The following ZBED1 variants were observed in gnomAD, a reference collection of about 807,000 sequenced individuals.
ZBED1 encodes the protein zinc finger BED-type containing 1.
In ZBED1, 19 loss-of-function variants were observed where a neutral mutation model predicts 49.7. That is an observed-to-expected ratio of 0.38 (90% CI 0.27 to 0.56). ZBED1 has a LOEUF of 0.56. ZBED1 is among the 20% of genes least tolerant of loss of function. The pLI, the probability that ZBED1 is intolerant of heterozygous loss-of-function variation, is 0.70. For missense variants in ZBED1, 806 were observed against 972.6 expected (o/e 0.83, Z 2.28); for synonymous variants, 439 against 440.3 (o/e 1.00, Z 0.04).
chrX:2,499,606 A>G (rs910014954), intron 1 of ZBED1, among the ~76,000 whole-genome samples: 22 of 152,098 alleles, frequency 1.4e-4, no homozygotes, highest in African/African-American at 5.3e-4. Flanking sequence ...TGCCATCTCT[A>G]CAAAAAATTT....
rs780070615 is a variant in ZBED1, at chrX:2,486,857, A to G, written c.*1778T>C. ...ACTTAAACCGGCTCAGGACGTAAGG[A>G]TAACATTCTGTGCTGCTTGCAGCCC... On this transcript the variant is annotated 3_prime_UTR_variant, in exon 2 of 2. Transcript: ENST00000652001. 4 of 152,350 alleles carry G rather than the reference A, an allele frequency of 2.6e-5. No homozygotes were observed. Among genetic ancestry groups the G allele is most frequent in the East Asian group, 1.9e-4 (1 of 5,188 alleles). 9.4% of individuals were successfully genotyped at this position (152,350 alleles called of 1,614,324 possible). A position where few individuals can be genotyped will look rare whatever the true frequency, so the allele number is the denominator to read the frequency against.
chrX:2,498,814 G>C (rs2045344686), intron 1 of ZBED1, among the ~76,000 whole-genome samples: 1 of 152,072 alleles, frequency 6.6e-6, no homozygotes, highest in Admixed American at 6.6e-5. Flanking sequence ...AATCTTCTGC[G>C]AGACTCCACA....
chrX:2,490,423 G>C lies in ZBED1; in HGVS notation c.297C>G (p.Pro99=). ...CCTGCCCGGGCTGCTGGGACGACTC[G>C]GGCTTCAGCTTGGAGAAGGCGGTGG... ...AFATAFSKLK[P]ESSQQPGQDA... The change falls in exon 2 of 2, where the codon CCC becomes CCG. Residue 99 remains proline (P), a synonymous_variant. Coordinates refer to ENST00000652001, the MANE Select transcript of ZBED1 (RefSeq NM_001171136.2). The C allele has an allele frequency of 1.2e-6, 2 of 1,613,908 alleles. No homozygotes were observed. Among genetic ancestry groups the C allele is most frequent in the South Asian group, 1.1e-5 (1 of 91,078 alleles).
chrX:2,497,634 G>A (rs1422210799), intron 1 of ZBED1, among the ~76,000 whole-genome samples: 1 of 152,174 alleles, frequency 6.6e-6, no homozygotes. Flanking sequence ...CCCAGAAAGT[G>A]AAGGAATATT....
rs1308990282 is a variant in ZBED1, at chrX:2,490,450, G to A, written c.270C>T (p.Phe90=). ...KSNTEQMREA[F]ATAFSKLKPE... is the part of the protein sequence containing the mutation. ...GCTTCAGCTTGGAGAAGGCGGTGGCGAAGGCTTCACGCATCTGCTCCGTGT... is the reference window on the plus strand; with the variant it reads ...GCTTCAGCTTGGAGAAGGCGGTGGCAAAGGCTTCACGCATCTGCTCCGTGT... The change falls in exon 2 of 2, where the codon TTC becomes TTT. Residue 90 remains phenylalanine, a synonymous_variant. Transcript: ENST00000652001. 12 of 1,613,962 alleles carry A rather than the reference G, an allele frequency of 7.4e-6. No homozygotes were observed. The highest frequency in any genetic ancestry group is 1.7e-4 in the Middle Eastern group (1 of 6,052).
chrX:2,499,845 G>A (rs1326766902), intron 1 of ZBED1, among the ~76,000 whole-genome samples: 2 of 152,148 alleles, frequency 1.3e-5, no homozygotes, highest in Non-Finnish European at 2.9e-5. Flanking sequence ...AGGAGTTCGA[G>A]ACCAGCCTGA....
At position 2,488,404 on chromosome X, in the gene ZBED1, A is replaced by C. The variant is rs73622930; in HGVS notation, c.*231T>G. On this transcript the variant is annotated 3_prime_UTR_variant, in exon 2 of 2. Transcript: ENST00000652001. ...TGGCCAGGCTGGTCTCGATCTCCTG[A>C]CCTCAGCTGATCTGCCCACCTCGGC... The C allele has an allele frequency of 0.017, 8,684 of 514,904 alleles. 557 individuals are homozygous for C. The highest frequency in any genetic ancestry group is 0.14 in the African/African-American group (7,213 of 50,634). 31.9% of individuals were successfully genotyped at this position (514,904 alleles called of 1,614,324 possible). A position where few individuals can be genotyped will look rare whatever the true frequency, so the allele number is the denominator to read the frequency against.
chrX:2,492,193 C>A (rs1354751395), intron 1 of ZBED1, among the ~76,000 whole-genome samples: 2 of 152,134 alleles, frequency 1.3e-5, no homozygotes, highest in Non-Finnish European at 2.9e-5. Context: ...GAAAAAGGGT[C>A]TTTGCAGATG....
At chrX:2,491,068 T>TG (rs1335725079) in intron 1 of ZBED1, among the ~76,000 whole-genome samples, 2 of 115,628 alleles carry the variant, frequency 1.7e-5, no homozygotes, top group East Asian at 4.7e-4. Context: ...TGCCTTTAGT[T>TG]TTTTTTTTTT....
In ZBED1 at chrX:2,488,793, C is replaced by T. The variant is rs759636541; in HGVS notation, c.1927G>A (p.Glu643Lys). Residue 643 changes from glutamate (E) to lysine (K), a missense_variant, in exon 2 of 2, where the codon GAG becomes AAG. Transcript: ENST00000652001. ...RNRLAPAHVD[E>K]QVFLYENARS... Reference sequence around the variant, plus strand: ...GCGTTCTCATACAGAAACACCTGCTCGTCCACGTGCGCGGGAGCCAGCCGG... The same window carrying T: ...GCGTTCTCATACAGAAACACCTGCTTGTCCACGTGCGCGGGAGCCAGCCGG... 4.3e-6 allele frequency: 7 copies of T among 1,613,902 alleles called. No individual in the cohort carries two copies. Among genetic ancestry groups the T allele is most frequent in the East Asian group, 2.2e-5 (1 of 44,876 alleles).
At position 2,490,532 on chromosome X, in the gene ZBED1, A is replaced by T; in HGVS notation, c.188T>A (p.Leu63Gln). The change falls in exon 2 of 2, where the codon CTG becomes CAG. Residue 63 changes from leucine (L) to glutamine (Q), a missense_variant. Transcript: ENST00000652001. ...GTGGTTCTTCTCCAGGTGGTAGGAC[A>T]GGTTGGAGGTGTTTCCGGAGTAGGC... is the stretch of plus-strand genomic sequence containing the variant. ...QIAYSGNTSN[L>Q]SYHLEKNHPE... 1 of 1,613,970 alleles carries T rather than the reference A, an allele frequency of 6.2e-7. No individual in the cohort carries two copies. The highest frequency in any genetic ancestry group is 8.5e-7 in the Non-Finnish European group (1 of 1,179,862).
chrX:2,498,935 T>A (rs2045347196), intron 1 of ZBED1, among the ~76,000 whole-genome samples: 3 of 152,172 alleles, frequency 2.0e-5, no homozygotes, highest in African/African-American at 7.2e-5. Flanking sequence ...ACTCTCCTTC[T>A]TCTATGCATT....
chrX:2,492,952 C>T (rs910424999), intron 1 of ZBED1, among the ~76,000 whole-genome samples: 1 of 152,254 alleles, frequency 6.6e-6, no homozygotes, highest in African/African-American at 2.4e-5. Flanking sequence ...CCCGTCTTCA[C>T]GGGCAGTCGC....
chrX:2,500,846 C>G lies in ZBED1; in HGVS notation c.-83G>C. ...CTCCAGGAAGCCCCCGCGGCAGCGC[C>G]GCAGCAGCTGCGCCAGGATCACCGC... On this transcript the variant is annotated 5_prime_UTR_variant, in exon 1 of 2. Coordinates refer to ENST00000652001, the MANE Select transcript of ZBED1 (RefSeq NM_001171136.2). 2.6e-6 allele frequency: 3 copies of G among 1,152,196 alleles called. No homozygotes were observed. The highest frequency in any genetic ancestry group is 2.1e-6 in the Non-Finnish European group (2 of 932,758). The allele number at this position is 1,152,196 out of a possible 1,614,324, so 71.4% of individuals were successfully genotyped here. A position where few individuals can be genotyped will look rare whatever the true frequency, so the allele number is the denominator to read the frequency against.
At chrX:2,491,245 T>C (rs1237288140) in intron 1 of ZBED1, among the ~76,000 whole-genome samples, 1 of 152,120 alleles carries the variant, frequency 6.6e-6, no homozygotes, top group Non-Finnish European at 1.5e-5. Flanking sequence ...AATTTTTGTA[T>C]TTTTAGTAGA....
chrX:2,495,081 A>G (rs1307147152), intron 1 of ZBED1, among the ~76,000 whole-genome samples: 1 of 150,892 alleles, frequency 6.6e-6, no homozygotes, highest in African/African-American at 2.4e-5. Context: ...TTTGGCTGAA[A>G]GACGTTCCAG....
intron 1 of ZBED1, among the ~76,000 whole-genome samples, chrX:2,498,807 C>T (rs961843595): frequency 1.5e-4 from 23 of 152,150 alleles, no homozygotes; most frequent in African/African-American, 5.6e-4. Flanking sequence ...TAAACATAAT[C>T]TTCTGCGAGA....
Position 2,489,277 on chromosome X carries a change from C to T in ZBED1, c.1443G>A (p.Arg481=). 6 of 1,613,958 alleles carry T rather than the reference C, an allele frequency of 3.7e-6. No homozygotes were observed. Among genetic ancestry groups the T allele is most frequent in the Non-Finnish European group, 5.1e-6 (6 of 1,179,862 alleles). The stretch of plus-strand genomic sequence containing the variant: ...GCTCGAAGGCGGAGAGGAAGGGCAG[C>T]CTCTTGTAGCGGGGGTCCAGGAAGG... ...VATFLDPRYK[R]LPFLSAFERQ... The change falls in exon 2 of 2, where the codon AGG becomes AGA. Residue 481 remains arginine, a synonymous_variant. Coordinates refer to ENST00000652001, the MANE Select transcript of ZBED1 (RefSeq NM_001171136.2).
In ZBED1 at chrX:2,488,338, C is replaced by T; in HGVS notation, c.*297G>A. 1 of 367,880 alleles carries T rather than the reference C, an allele frequency of 2.7e-6. No individual in the cohort carries two copies. Among genetic ancestry groups the T allele is most frequent in the Non-Finnish European group, 4.8e-6 (1 of 208,276 alleles). 22.8% of individuals were successfully genotyped at this position (367,880 alleles called of 1,614,324 possible). ...TACAGGCACATGCCATCAGTCCTGGCTAATTTTTGTATTTTTAGTAGAGAC... is the reference window on the plus strand; with the variant it reads ...TACAGGCACATGCCATCAGTCCTGGTTAATTTTTGTATTTTTAGTAGAGAC... On this transcript the variant is annotated 3_prime_UTR_variant, in exon 2 of 2. Coordinates refer to ENST00000652001, the MANE Select transcript of ZBED1 (RefSeq NM_001171136.2).
Sources: allele counts gnomAD v4.1 joint callset (sites outside exome capture counted in the v4.1 genomes callset), GRCh38; gene constraint gnomAD v4.1.1; transcripts MANE v1.5; gene names NCBI Gene and HGNC (gene_info 2026-07-23, HGNC 2026-07-21).